The following CAMTA1 variants were observed in gnomAD, a reference collection of about 807,000 sequenced individuals.
The protein encoded by CAMTA1 is calmodulin-binding transcription activator 1.
A neutral mutation model predicts 170.9 loss-of-function variants in CAMTA1; 27 were observed. The ratio of observed to expected loss-of-function variants is 0.16; its 90% CI spans 0.12 to 0.22. The LOEUF is 0.22. CAMTA1 is among the 10% of genes least tolerant of loss of function. The pLI, the probability that CAMTA1 is intolerant of heterozygous loss-of-function variation, is 1.00. For synonymous variants in CAMTA1, 833 were observed against 891.5 expected (o/e 0.93, Z 1.17); for missense variants, 1,619 against 2,217.2 (o/e 0.73, Z 5.42).
intron 4 of CAMTA1, among the ~76,000 whole-genome samples, chr1:7,103,227 G>C (rs1287315030): frequency 6.6e-6 from 1 of 152,052 alleles, no homozygotes; most frequent in African/African-American, 2.4e-5. Flanking sequence ...TGAACTGGAA[G>C]TCCAAGGGTG....
chr1:6,808,519 A>G lies in CAMTA1; in HGVS notation c.46-11662A>G, dbSNP rs1012513251. On this transcript the variant is annotated intron_variant, in intron 1 of 22. Coordinates refer to ENST00000303635, the MANE Select transcript of CAMTA1 (RefSeq NM_015215.4). ...TGTTTCAGCTTAAATGAAACTTCCAATAGGAGAAGCCTTCTTGACCTTGCC... is the reference window on the plus strand; with the variant it reads ...TGTTTCAGCTTAAATGAAACTTCCAGTAGGAGAAGCCTTCTTGACCTTGCC... Among the ~76,000 whole-genome samples the G allele has an allele frequency of 4.6e-5, 7 of 152,326 alleles. No individual in the cohort carries two copies. In the Middle Eastern group the frequency reaches 0.01, roughly 222 times the overall value.
Position 7,493,382 on chromosome 1 carries a change from A to AACACGTGCGCACAC in CAMTA1, c.510+25484_510+25485insCGTGCGCACACACA. On this transcript the variant is annotated intron_variant, in intron 6 of 22. Transcript: ENST00000303635. ...ATACAAACACACGTGCGCACACACA[A>AACACGTGCGCACAC]ACAAACACGTGCACACACACAAAAA... 1.5e-4 allele frequency among the ~76,000 whole-genome samples: 4 copies of AACACGTGCGCACAC among 27,470 alleles called. 2 individuals are homozygous for AACACGTGCGCACAC. The highest frequency in any genetic ancestry group is 1.3e-3 in the East Asian group (2 of 1,558). 18.0% of individuals were successfully genotyped at this position (27,470 alleles called of 152,430 possible).
intron 5 of CAMTA1, among the ~76,000 whole-genome samples, chr1:7,417,559 G>A (rs898858040): frequency 5.9e-5 from 9 of 152,216 alleles, no homozygotes; most frequent in Non-Finnish European, 8.8e-5. Flanking sequence ...CTCCATGGGC[G>A]TAGGACCCTC....
At chr1:7,566,774 T>A (rs2095048059) in intron 6 of CAMTA1, among the ~76,000 whole-genome samples, 1 of 152,156 alleles carries the variant, frequency 6.6e-6, no homozygotes, top group African/African-American at 2.4e-5. Context: ...AGTCTTTCCC[T>A]TCTATGCCCA....
intron 6 of CAMTA1, among the ~76,000 whole-genome samples, chr1:7,574,818 A>G (rs962555135): frequency 2.6e-5 from 4 of 152,166 alleles, no homozygotes; most frequent in Non-Finnish European, 5.9e-5. Flanking sequence ...CCTCCAGCCA[A>G]CTTGGCTTCC....
At chr1:7,697,719 T>C (rs2096391484) in intron 11 of CAMTA1, among the ~76,000 whole-genome samples, 1 of 152,186 alleles carries the variant, frequency 6.6e-6, no homozygotes, top group African/African-American at 2.4e-5. Context: ...TTATGTCCAT[T>C]AGGAGAAACC....
intron 3 of CAMTA1, among the ~76,000 whole-genome samples, chr1:6,876,654 C>T (rs985491725): frequency 6.6e-6 from 1 of 152,140 alleles, no homozygotes; most frequent in Non-Finnish European, 1.5e-5. Flanking sequence ...TGAGCTGCTG[C>T]GCCTGGCCAA....
rs1415306270 is a variant in CAMTA1 at position 6,925,840 on chromosome 1, AGCTGTCC to A, written c.234+100635_234+100641del. 2.0e-5 allele frequency among the ~76,000 whole-genome samples: 3 copies of A among 152,202 alleles called. No individual in the cohort carries two copies. In the East Asian group the frequency reaches 5.8e-4, roughly 29 times the overall value. On this transcript the variant is annotated intron_variant, in intron 3 of 22. Transcript: ENST00000303635. ...GGAGCCTGCAGGCCATAGGGCCCTA[AGCTGTCC>A]GCTGGCTGATCCATCACCAGGAGGC...
intron 3 of CAMTA1, among the ~76,000 whole-genome samples, chr1:7,061,798 C>T (rs982515320): frequency 3.3e-5 from 5 of 151,600 alleles, no homozygotes; most frequent in East Asian, 1.9e-4. Flanking sequence ...CAGGGGGTGG[C>T]GCTGGCAGAG....
intron 11 of CAMTA1, among the ~76,000 whole-genome samples, chr1:7,705,920 G>A (rs985192444): frequency 2.6e-5 from 4 of 152,328 alleles, no homozygotes; most frequent in Non-Finnish European, 5.9e-5. Context: ...GATGCTCGGG[G>A]TGGCCCTTTT....
intron 3 of CAMTA1, among the ~76,000 whole-genome samples, chr1:6,898,929 T>C (rs1183753279): frequency 6.6e-6 from 1 of 152,224 alleles, no homozygotes; most frequent in African/African-American, 2.4e-5. Flanking sequence ...GAATAGATGA[T>C]CTAGACGTAG....
At chr1:7,755,785 G>T in intron 22 of CAMTA1, 117 bp downstream of exon 22, 1 of 842,802 alleles carries the variant, frequency 1.2e-6, no homozygotes, top group Non-Finnish European at 2.1e-6. Context: ...CATCCATTTT[G>T]AATGAATTAA....
At chr1:6,928,705 C>T (rs1683813669) in intron 3 of CAMTA1, among the ~76,000 whole-genome samples, 1 of 152,200 alleles carries the variant, frequency 6.6e-6, no homozygotes, top group Non-Finnish European at 1.5e-5. Flanking sequence ...ATTCCCCCTA[C>T]CTGGGGTTCC....
chr1:7,106,653 C>T (rs188417597), intron 4 of CAMTA1, among the ~76,000 whole-genome samples: 7 of 152,122 alleles, frequency 4.6e-5, no homozygotes, highest in Admixed American at 1.3e-4. Flanking sequence ...TTTATAGCCC[C>T]GTGGAACCGC....
rs1252283074 is a variant in CAMTA1, at chr1:7,200,395, C to G, written c.303-49096C>G. 2.0e-5 allele frequency among the ~76,000 whole-genome samples: 3 copies of G among 152,158 alleles called. 1 individual carries two copies. The highest frequency in any genetic ancestry group is 7.2e-5 in the African/African-American group (3 of 41,428). ...GATACTATTATTATTTTATCCTCAT[C>G]CCTTACAGAAATTTCAACAATTGTC... On this transcript the variant is annotated intron_variant, in intron 4 of 22. Transcript: ENST00000303635.
intron 11 of CAMTA1, among the ~76,000 whole-genome samples, chr1:7,705,615 G>A (rs1228745551): frequency 6.6e-6 from 1 of 151,988 alleles, no homozygotes; most frequent in Non-Finnish European, 1.5e-5. Flanking sequence ...ACGGGTTTTT[G>A]GGACCCAGTG....
chr1:7,453,012 T>A (rs2149470210), intron 5 of CAMTA1, among the ~76,000 whole-genome samples: 1 of 152,294 alleles, frequency 6.6e-6, no homozygotes, highest in Non-Finnish European at 1.5e-5. Flanking sequence ...GAAACACAGA[T>A]GAAATAAGAC....
intron 5 of CAMTA1, among the ~76,000 whole-genome samples, chr1:7,305,934 T>C (rs1675524599): frequency 6.6e-6 from 1 of 152,124 alleles, no homozygotes; most frequent in Non-Finnish European, 1.5e-5. Context: ...CAACTTTGCA[T>C]GGGCTTATTT....
intron 6 of CAMTA1, among the ~76,000 whole-genome samples, chr1:7,629,609 T>C (rs928783464): frequency 1.3e-5 from 2 of 152,222 alleles, no homozygotes; most frequent in African/African-American, 4.8e-5. Flanking sequence ...TTCTGAAGAC[T>C]CGAATCACAT....
Sources: gnomAD v4.1 joint callset for allele counts (sites outside exome capture counted in the v4.1 genomes callset) on GRCh38, gnomAD v4.1.1 for gene constraint, MANE v1.5 for transcripts, NCBI Gene and HGNC (gene_info 2026-07-23, HGNC 2026-07-21) for gene names.